Variants in FECH observed in about 807,000 individuals in gnomAD.
FECH encodes ferrochelatase, mitochondrial.
In FECH, 40 loss-of-function variants were observed where a neutral mutation model predicts 56.9. That is an observed-to-expected ratio of 0.70 (90% CI 0.55 to 0.92). The LOEUF (loss-of-function observed/expected upper bound fraction) is 0.92. FECH is among the 40% of genes least tolerant of loss of function. FECH has a pLI of 0.00. For missense variants in FECH, 431 were observed against 529.1 expected (o/e 0.81, Z 1.82); for synonymous variants, 175 against 198.6 (o/e 0.88, Z 1.00).
intron 6 of FECH, 50 bp from the exon 7 acceptor site, chr18:57,559,293 G>T: frequency 7.8e-7 from 1 of 1,274,176 alleles, no homozygotes; most frequent in South Asian, 1.2e-5. Context: ...AGAAAGAAAT[G>T]GAAGGAAAAA....
chr18:57,561,251 T>TG (rs1395704164), intron 6 of FECH, among the ~76,000 whole-genome samples: 1 of 152,132 alleles, frequency 6.6e-6, no homozygotes, highest in Non-Finnish European at 1.5e-5. Context: ...CAAGCAGAAA[T>TG]GTGGATTCAA....
At chr18:57,570,651 T>C (rs1007324523) in intron 4 of FECH, among the ~76,000 whole-genome samples, 3 of 152,254 alleles carry the variant, frequency 2.0e-5, no homozygotes, top group African/African-American at 7.2e-5. Context: ...TTTTAACATT[T>C]CTCATATCAG....
chr18:57,553,187 A>G (rs1174079415), intron 9 of FECH, among the ~76,000 whole-genome samples: 1 of 148,178 alleles, frequency 6.7e-6, no homozygotes, highest in African/African-American at 2.4e-5. Flanking sequence ...AGTGAGATAC[A>G]GAAGGCATCT....
chr18:57,565,361 T>C (rs1483072756), intron 5 of FECH, among the ~76,000 whole-genome samples: 1 of 152,144 alleles, frequency 6.6e-6, no homozygotes, highest in African/African-American at 2.4e-5. Flanking sequence ...ATCCCAGTGC[T>C]TTAGGAGGCT....
At chr18:57,562,449 C>T (rs941439154) in intron 6 of FECH, among the ~76,000 whole-genome samples, 2 of 152,100 alleles carry the variant, frequency 1.3e-5, no homozygotes, top group African/African-American at 4.8e-5. Context: ...TTTCATGTCT[C>T]AGAACATGTA....
In FECH at chr18:57,586,613, G is replaced by A; in HGVS notation, c.8C>T (p.Ser3Leu). 4 of 1,521,462 alleles carry A rather than the reference G, an allele frequency of 2.6e-6. No individual in the cohort carries two copies. The highest frequency in any genetic ancestry group is 2.6e-6 in the Non-Finnish European group (3 of 1,141,152). The allele number at this position is 1,521,462 out of a possible 1,614,324, so 94.2% of individuals were successfully genotyped here. A position where few individuals can be genotyped will look rare whatever the true frequency, so the allele number is the denominator to read the frequency against. The part of the protein sequence containing the change: MR[S>L]LGANMAAALR... ...GGCCGCAGCCATGTTTGCGCCGAGT[G>A]AACGCATTGCCTGGGCAGCCTCGGC... Residue 3 changes from serine (S) to leucine (L), a missense_variant, in exon 1 of 11, where the codon TCA (serine) becomes TTA (leucine). Coordinates refer to ENST00000262093, the MANE Select transcript of FECH (RefSeq NM_000140.5).
intron 1 of FECH, among the ~76,000 whole-genome samples, chr18:57,583,337 G>A (rs185974398): frequency 1.3e-5 from 2 of 152,350 alleles, no homozygotes; most frequent in South Asian, 2.1e-4. Flanking sequence ...ATTGCGTGGC[G>A]TAGAGAGTAC....
Position 57,583,665 on chromosome 18 carries a change from A to G in FECH, c.67+2889T>C, listed in dbSNP as rs557569656. 1.0e-3 allele frequency among the ~76,000 whole-genome samples: 154 copies of G among 152,372 alleles called. 1 individual carries two copies. Among genetic ancestry groups the G allele is most frequent in the African/African-American group, 3.6e-3 (150 of 41,600 alleles). On this transcript the variant is annotated intron_variant, in intron 1 of 10. Transcript: ENST00000262093. ...ACATGGATAACTGATCTACCTTTAG[A>G]AGGCCTACAAACAGGCCGGGCATGG...
At chr18:57,568,584 G>A (rs1393245020) in intron 4 of FECH, among the ~76,000 whole-genome samples, 2 of 152,118 alleles carry the variant, frequency 1.3e-5, no homozygotes, top group Admixed American at 1.3e-4. Flanking sequence ...GAGCCTCTCC[G>A]ATGTTAACCA....
At chr18:57,558,975 G>C (rs1261769370) in intron 7 of FECH, among the ~76,000 whole-genome samples, 170 bp downstream of exon 7, 4 of 152,182 alleles carry the variant, frequency 2.6e-5, no homozygotes, top group Admixed American at 2.6e-4. Context: ...TGAATTCATT[G>C]TTACGAGGTT....
At chr18:57,572,926 AGT>A (rs2051135389) in intron 3 of FECH, 2 of 306,594 alleles carry the variant, frequency 6.5e-6, no homozygotes, top group Non-Finnish European at 1.2e-5. Flanking sequence ...TGCTTCCCTG[AGT>A]GTTAATCAGC....
intron 9 of FECH, among the ~76,000 whole-genome samples, chr18:57,553,352 G>C (rs1378697018): frequency 6.6e-6 from 1 of 152,106 alleles, no homozygotes; most frequent in Non-Finnish European, 1.5e-5. Context: ...AATTCCACGG[G>C]GATCAGGTGT....
chr18:57,575,643 A>C (rs2051174960), intron 2 of FECH, among the ~76,000 whole-genome samples: 1 of 152,084 alleles, frequency 6.6e-6, no homozygotes, highest in Non-Finnish European at 1.5e-5. Context: ...GAGTCTCGCC[A>C]TGTGGCCCCG....
rs1441600253 is a variant in FECH at position 57,550,853 on chromosome 18, G to A, written c.1138-7C>T. ...GCACCAAGTCGGCCAGGGCCTGGAA[G>A]ATAGACAAGAGGCAAAGACGCATGA... On this transcript the variant is annotated splice_polypyrimidine_tract_variant and splice_region_variant and intron_variant, in intron 10 of 10. Coordinates refer to ENST00000262093, the MANE Select transcript of FECH (RefSeq NM_000140.5). 1 of 1,613,424 alleles carries A rather than the reference G, an allele frequency of 6.2e-7. No homozygotes were observed. Among genetic ancestry groups the A allele is most frequent in the Non-Finnish European group, 8.5e-7 (1 of 1,180,012 alleles).
chr18:57,554,858 A>G lies in FECH; in HGVS notation c.899T>C (p.Val300Ala), dbSNP rs1294720781. 1 of 1,614,016 alleles carries G rather than the reference A, an allele frequency of 6.2e-7. No individual in the cohort carries two copies. The highest frequency in any genetic ancestry group is 1.1e-5 in the South Asian group (1 of 91,084). ...RLEYCNPYRLVWQSKVGPMPW... is the reference protein window; with the variant it reads ...RLEYCNPYRLAWQSKVGPMPW... ...GAAGCCACTTACCTTGGATTGCCAC[A>G]CCAGTCGGTAGGGGTTGCAGTACTC... Residue 300 changes from valine (V) to alanine (A), a missense_variant, in exon 8 of 11, where the codon GTG (valine) becomes GCG (alanine). Transcript: ENST00000262093.
At chr18:57,565,692 C>T (rs1324221791) in intron 5 of FECH, among the ~76,000 whole-genome samples, 2 of 152,074 alleles carry the variant, frequency 1.3e-5, no homozygotes, top group African/African-American at 4.8e-5. Flanking sequence ...TGACTTTTTC[C>T]AATAGCCTTT....
chr18:57,571,565 G>A (rs2051110329), intron 3 of FECH, 25 bp from the exon 4 acceptor site: 1 of 1,613,940 alleles, frequency 6.2e-7, no homozygotes, highest in African/African-American at 1.3e-5. Context: ...ATACAGGTAA[G>A]TGGATTTTAT....
At chr18:57,561,833 C>G (rs142050349) in intron 6 of FECH, among the ~76,000 whole-genome samples, 2 of 152,212 alleles carry the variant, frequency 1.3e-5, no homozygotes, top group African/African-American at 2.4e-5. Flanking sequence ...GTGCTTCAGG[C>G]AGTACTGGCT....
At chr18:57,553,670 A>G (rs1162705569) in intron 9 of FECH, among the ~76,000 whole-genome samples, 1 of 152,252 alleles carries the variant, frequency 6.6e-6, no homozygotes, top group Non-Finnish European at 1.5e-5. Flanking sequence ...AAGACACCAA[A>G]GATGGTATTT....
Sources: allele counts gnomAD v4.1 joint callset (sites outside exome capture counted in the v4.1 genomes callset), GRCh38; gene constraint gnomAD v4.1.1; transcripts MANE v1.5; gene names NCBI Gene and HGNC (gene_info 2026-07-23, HGNC 2026-07-21).